TEX10: variants seen among roughly 807,000 people sequenced by gnomAD.
The protein encoded by TEX10 is testis expressed 10, also known as testis-expressed protein 10.
A neutral mutation model predicts 104.4 loss-of-function variants in TEX10; 24 were observed. That is an observed-to-expected ratio of 0.23 (90% CI 0.17 to 0.32). The LOEUF (loss-of-function observed/expected upper bound fraction) is 0.32, where lower values mean the gene tolerates loss of function less well. TEX10 is among the 10% of genes least tolerant of loss of function. TEX10 has a pLI of 1.00. For missense variants in TEX10, 921 were observed against 1,083.9 expected, an observed-to-expected ratio of 0.85 and a Z score of 2.11; for synonymous variants, 396 against 393.4, an observed-to-expected ratio of 1.01 and a Z score of -0.08.
intron 1 of TEX10, 165 bp downstream of exon 1, chr9:100,352,607 C>A: frequency 6.7e-7 from 1 of 1,489,986 alleles, no homozygotes; most frequent in Non-Finnish European, 8.9e-7. Flanking sequence ...GTGCCGGCCG[C>A]ACACCCAGGC....
At chr9:100,313,300 A>G (rs1221995932) in intron 11 of TEX10, among the ~76,000 whole-genome samples, 3 of 152,134 alleles carry the variant, frequency 2.0e-5, no homozygotes, top group African/African-American at 7.2e-5. Context: ...GGATCACCTG[A>G]GGTCAGAAGT....
At chr9:100,314,642 A>G (rs1834369381) in intron 11 of TEX10, among the ~76,000 whole-genome samples, 1 of 152,044 alleles carries the variant, frequency 6.6e-6, no homozygotes, top group Non-Finnish European at 1.5e-5. Flanking sequence ...CCGGCTATCA[A>G]TCTTATCATT....
At chr9:100,335,566 G>T (rs983175163) in intron 5 of TEX10, among the ~76,000 whole-genome samples, 1 of 152,080 alleles carries the variant, frequency 6.6e-6, no homozygotes, top group Non-Finnish European at 1.5e-5. Flanking sequence ...AAGTGAAACT[G>T]GCTTGTTTTT....
chr9:100,303,742 C>T lies in TEX10; in HGVS notation c.2566G>A (p.Glu856Lys). The stretch of plus-strand genomic sequence containing the variant: ...AGCAGCTGGCCCACAACAGGCAGCT[C>T]CTCAGGCCCAACTCTGTTCACCCGC... ...SLRVNRVGPE[E>K]LPVVGQLLRL... The change falls in exon 14 of 15, where the codon GAG becomes AAG. Residue 856 changes from glutamate to lysine, a missense_variant. Coordinates refer to ENST00000374902, the MANE Select transcript of TEX10 (RefSeq NM_017746.4). 6.2e-7 allele frequency: 1 copy of T among 1,614,044 alleles called. No homozygotes were observed. The highest frequency in any genetic ancestry group is 8.5e-7 in the Non-Finnish European group (1 of 1,180,026).
rs745405425 is a variant in TEX10, at chr9:100,330,104, T to C, written c.1316A>G (p.Asp439Gly). ...DHLLLNLTLS[D>G]IMVSLANAST... is the part of the protein sequence containing the mutation. Reference sequence around the variant, plus strand: ...CGCATTTGCCAGGGAGACCATGATATCAGACAGTGTTAAATTCAGTAAGAG... The same window carrying C: ...CGCATTTGCCAGGGAGACCATGATACCAGACAGTGTTAAATTCAGTAAGAG... The change falls in exon 6 of 15, where the codon GAT becomes GGT. Residue 439 changes from aspartate to glycine, a missense_variant. Physicochemically the swap from Asp to Gly is moderately conservative, Grantham distance 94. This residue lies in a region of TEX10 where 753 missense variants were observed against 868.4 expected (regional missense o/e 0.87). Transcript: ENST00000374902. 3.1e-6 allele frequency: 5 copies of C among 1,613,970 alleles called. No individual in the cohort carries two copies. The highest frequency in any genetic ancestry group is 4.2e-6 in the Non-Finnish European group (5 of 1,179,994).
intron 5 of TEX10, among the ~76,000 whole-genome samples, chr9:100,336,769 C>A (rs930326474): frequency 2.6e-5 from 4 of 152,160 alleles, no homozygotes; most frequent in Non-Finnish European, 5.9e-5. Context: ...GGTTGGGGAC[C>A]GTTGGCCTAG....
Position 100,349,248 on chromosome 9 carries a change from T to C in TEX10, c.116A>G (p.His39Arg), listed in dbSNP as rs1300808948. 6.2e-7 allele frequency: 1 copy of C among 1,605,116 alleles called. No individual in the cohort carries two copies. Among genetic ancestry groups the C allele is most frequent in the Non-Finnish European group, 8.5e-7 (1 of 1,177,550 alleles). The change falls in exon 2 of 15, where the codon CAT becomes CGT. Residue 39 changes from histidine (H) to arginine (R), a missense_variant. By Grantham distance (29) the His-to-Arg change is conservative (BLOSUM62 0). Around this residue, in one of 3 missense-constraint regions of TEX10, gnomAD observed 118 missense variants for 111.3 expected, o/e 1.06. Coordinates refer to ENST00000374902, the MANE Select transcript of TEX10 (RefSeq NM_017746.4). ...ATCCTCTTTGAGTTGCTCAGGCAGATGTATAGTCTTTGTTTTAAAGTTTGT... is the reference window on the plus strand; with the variant it reads ...ATCCTCTTTGAGTTGCTCAGGCAGACGTATAGTCTTTGTTTTAAAGTTTGT... ...TPTNFKTKTI[H>R]LPEQLKEDGT...
chr9:100,340,116 C>G (rs1298096642), intron 5 of TEX10, 141 bp downstream of exon 5: 1 of 434,566 alleles, frequency 2.3e-6, no homozygotes, highest in Admixed American at 4.4e-5. Context: ...AAAAATCAGC[C>G]ATATTACTAC....
At chr9:100,330,355 A>T (rs1312079208) in intron 5 of TEX10, among the ~76,000 whole-genome samples, 186 bp from the exon 6 acceptor site, 1 of 152,250 alleles carries the variant, frequency 6.6e-6, no homozygotes, top group Non-Finnish European at 1.5e-5. Flanking sequence ...TTCATTATGG[A>T]ATCAGAGTTG....
At chr9:100,335,882 G>C (rs185218941) in intron 5 of TEX10, among the ~76,000 whole-genome samples, 42 of 152,170 alleles carry the variant, frequency 2.8e-4, no homozygotes, top group South Asian at 4.2e-4. Context: ...TTTTAACTCT[G>C]TATTTCAACC....
At chr9:100,329,817 A>C in intron 6 of TEX10, 114 bp downstream of exon 6, 1 of 916,084 alleles carries the variant, frequency 1.1e-6, no homozygotes, top group Non-Finnish European at 1.7e-6. Context: ...TATGGCTTGA[A>C]TACAATTAGC....
At chr9:100,319,492 G>A (rs962677253) in intron 11 of TEX10, among the ~76,000 whole-genome samples, 12 of 152,068 alleles carry the variant, frequency 7.9e-5, no homozygotes, top group African/African-American at 2.7e-4. Context: ...TCTTTTAAAT[G>A]TTTACATTTA....
intron 4 of TEX10, among the ~76,000 whole-genome samples, chr9:100,342,964 G>A (rs1235609863): frequency 1.3e-5 from 2 of 151,690 alleles, no homozygotes; most frequent in Non-Finnish European, 2.9e-5. Context: ...TGGCTGACAC[G>A]GTGAAACTCC....
intron 4 of TEX10, among the ~76,000 whole-genome samples, chr9:100,340,906 A>G (rs1216079255): frequency 6.6e-6 from 1 of 151,998 alleles, no homozygotes; most frequent in Admixed American, 6.6e-5. Context: ...TTTGTCAGAG[A>G]CTGAGAAGTT....
At chr9:100,309,151 G>A (rs1834211257) in intron 12 of TEX10, among the ~76,000 whole-genome samples, 1 of 152,160 alleles carries the variant, frequency 6.6e-6, no homozygotes, top group Non-Finnish European at 1.5e-5. Flanking sequence ...TCTGCACTTT[G>A]ATTTAGTCAT....
chr9:100,321,832 G>T, intron 9 of TEX10, 61 bp from the exon 10 acceptor site: 5 of 1,239,428 alleles, frequency 4.0e-6, no homozygotes, highest in South Asian at 1.2e-5. Context: ...CTTGTCAAAG[G>T]TAGCACAGTA....
chr9:100,315,241 G>C (rs1029561349), intron 11 of TEX10, among the ~76,000 whole-genome samples: 1 of 152,126 alleles, frequency 6.6e-6, no homozygotes, highest in Non-Finnish European at 1.5e-5. Flanking sequence ...GCAGTTTGTT[G>C]AGTAGAATAT....
At chr9:100,349,598 G>GT (rs1347929146) in intron 1 of TEX10, among the ~76,000 whole-genome samples, 1 of 152,110 alleles carries the variant, frequency 6.6e-6, no homozygotes, top group African/African-American at 2.4e-5. Flanking sequence ...GTTTTGCAAA[G>GT]TTTTTTGGGT....
At chr9:100,325,442 G>T (rs1189787057) in intron 9 of TEX10, among the ~76,000 whole-genome samples, 1 of 152,186 alleles carries the variant, frequency 6.6e-6, no homozygotes, top group Non-Finnish European at 1.5e-5. Flanking sequence ...GATCTCCTGA[G>T]CCCAAGAGTT....
Sources: gnomAD v4.1 joint callset for allele counts (sites outside exome capture counted in the v4.1 genomes callset) on GRCh38, gnomAD v4.1.1 for gene constraint, gnomAD v4.1.1 regional missense constraint, MANE v1.5 for transcripts, NCBI Gene and HGNC (gene_info 2026-07-23, HGNC 2026-07-21) for gene names.